The following SMPDL3B variants were observed in gnomAD, a reference collection of about 807,000 sequenced individuals.
SMPDL3B encodes acid sphingomyelinase-like phosphodiesterase 3b.
Under a neutral mutation model 37.9 loss-of-function variants are expected in SMPDL3B, and 31 were observed. The observed-to-expected ratio is 0.82, with a 90% CI of 0.61 to 1.10. The LOEUF is 1.10. Ranked by LOEUF, SMPDL3B falls within the 50% of genes least tolerant of loss-of-function variation. The pLI is 0.00. For missense variants in SMPDL3B, 525 were observed against 597.8 expected, an observed-to-expected ratio of 0.88 and a Z score of 1.27; for synonymous variants, 235 against 242.6, an observed-to-expected ratio of 0.97 and a Z score of 0.29.
At chr1:27,947,086 G>A (rs898844758) in intron 2 of SMPDL3B, among the ~76,000 whole-genome samples, 3 of 150,418 alleles carry the variant, frequency 2.0e-5, no homozygotes, top group Admixed American at 1.3e-4. Flanking sequence ...GCCCAGGCTG[G>A]AGTGCAATGG....
rs779242706 is a variant in SMPDL3B at position 27,958,739 on chromosome 1, C to T, written c.1269C>T (p.Asp423=). The T allele has an allele frequency of 7.4e-6, 12 of 1,613,562 alleles. No individual in the cohort carries two copies. The highest frequency in any genetic ancestry group is 1.3e-5 in the African/African-American group (1 of 74,922). ...HVCAMRQVDI[D]AYTTCLYASG... ...GTGCCATGCGCCAGGTGGACATTGA[C>T]GCTTACACCACCTGTCTGTATGCCT... The change falls in exon 8 of 8, where the codon GAC becomes GAT. Residue 423 remains aspartate, a synonymous_variant. Transcript: ENST00000373894. This position sits in a 1 kb window ranked among gnomAD's most constrained non-coding sequence, Gnocchi z 5.6.
chr1:27,941,842 G>A (rs949596157), intron 1 of SMPDL3B, among the ~76,000 whole-genome samples: 2 of 152,136 alleles, frequency 1.3e-5, no homozygotes, highest in African/African-American at 2.4e-5. Context: ...TGACAAGGTC[G>A]CTGGGATCTG....
intron 4 of SMPDL3B, 100 bp downstream of exon 4, chr1:27,953,458 C>A: frequency 9.1e-7 from 1 of 1,102,966 alleles, no homozygotes; most frequent in Non-Finnish European, 1.3e-6. Context: ...GATTTTATCC[C>A]CAATTTACAG....
At chr1:27,948,723 C>T (rs2090430792) in intron 2 of SMPDL3B, among the ~76,000 whole-genome samples, 1 of 152,208 alleles carries the variant, frequency 6.6e-6, no homozygotes, top group Non-Finnish European at 1.5e-5. Flanking sequence ...TACAACCTAG[C>T]AGCTACTCTT....
Position 27,958,875 on chromosome 1 carries a change from G to C in SMPDL3B, c.*37G>C, listed in dbSNP as rs1361161718. On this transcript the variant is annotated 3_prime_UTR_variant, in exon 8 of 8. Transcript: ENST00000373894. This position sits in a 1 kb window ranked among gnomAD's most constrained non-coding sequence, Gnocchi z 5.6. Reference sequence around the variant, plus strand: ...CACCTTCTTCCTGGTAACGGGTAACGGGGGCAGCGCCCAGGATCACCCAGA... The same window carrying C: ...CACCTTCTTCCTGGTAACGGGTAACCGGGGCAGCGCCCAGGATCACCCAGA... 1 of 1,514,062 alleles carries C rather than the reference G, an allele frequency of 6.6e-7. No individual in the cohort carries two copies. The highest frequency in any genetic ancestry group is 2.0e-5 in the Admixed American group (1 of 50,620). 93.8% of individuals were successfully genotyped at this position (1,514,062 alleles called of 1,614,324 possible). A position where few individuals can be genotyped will look rare whatever the true frequency, so the allele number is the denominator to read the frequency against.
intron 1 of SMPDL3B, among the ~76,000 whole-genome samples, chr1:27,935,806 A>G (rs1461840720): frequency 1.3e-5 from 2 of 152,204 alleles, no homozygotes; most frequent in African/African-American, 4.8e-5. Context: ...ACTCAAGTGG[A>G]GCCTTGAGGC....
intron 2 of SMPDL3B, among the ~76,000 whole-genome samples, chr1:27,948,613 G>A (rs2148677686): frequency 6.6e-6 from 1 of 152,340 alleles, no homozygotes; most frequent in East Asian, 1.9e-4. Context: ...CTTCTGGAAA[G>A]GAACAGAATT....
rs1186626127 is a variant in SMPDL3B, at chr1:27,948,977, T to C, written c.276-88T>C. 9 of 1,593,576 alleles carry C rather than the reference T, an allele frequency of 5.6e-6. 1 individual carries two copies. In the South Asian group the frequency reaches 1.0e-4, roughly 18 times the overall value. ...GACATCTGAGGCCCAGGTCCATAGG[T>C]TTTCCTCTCACTGCAGAGCTGTCCC... On this transcript the variant is annotated intron_variant, in intron 2 of 7. Coordinates refer to ENST00000373894, the MANE Select transcript of SMPDL3B (RefSeq NM_014474.4).
intron 2 of SMPDL3B, 155 bp from the exon 3 acceptor site, chr1:27,948,910 C>A: frequency 1.4e-6 from 2 of 1,415,556 alleles, no homozygotes; most frequent in Non-Finnish European, 1.9e-6. Flanking sequence ...TCAGCTCTGT[C>A]CCATCTGACT....
intron 1 of SMPDL3B, among the ~76,000 whole-genome samples, chr1:27,939,872 T>C (rs759822672): frequency 6.6e-6 from 1 of 152,174 alleles, no homozygotes; most frequent in Non-Finnish European, 1.5e-5. Context: ...ACTCCTGGCC[T>C]CAAGTGATCC....
At position 27,935,029 on chromosome 1, in the gene SMPDL3B, A is replaced by C. The variant is rs1323345554; in HGVS notation, c.-155A>C. ...CCTGCTGGGCAAAGGAGGAAGAGCCAGAGGATCCAGACGCCTTGGAGGACT... is the reference window on the plus strand; with the variant it reads ...CCTGCTGGGCAAAGGAGGAAGAGCCCGAGGATCCAGACGCCTTGGAGGACT... On this transcript the variant is annotated 5_prime_UTR_variant, in exon 1 of 8. Transcript: ENST00000373894. 1 of 607,246 alleles carries C rather than the reference A, an allele frequency of 1.6e-6. No homozygotes were observed. The highest frequency in any genetic ancestry group is 3.0e-6 in the Non-Finnish European group (1 of 337,750). The allele number at this position is 607,246 out of a possible 1,614,324, so 37.6% of individuals were successfully genotyped here.
intron 5 of SMPDL3B, 88 bp downstream of exon 5, chr1:27,954,614 A>G (rs1378441875): frequency 7.9e-7 from 1 of 1,270,004 alleles, no homozygotes. Context: ...ACCCACCCAA[A>G]GATGCCCATA....
chr1:27,954,566 T>C, intron 5 of SMPDL3B, 40 bp downstream of exon 5: 1 of 1,592,422 alleles, frequency 6.3e-7, no homozygotes, highest in Non-Finnish European at 8.6e-7. Flanking sequence ...TCTGGGGTTA[T>C]TTCCTGCACA....
rs749664869 is a variant in SMPDL3B, at chr1:27,958,636, T to C, written c.1166T>C (p.Leu389Pro). 11 of 1,613,874 alleles carry C rather than the reference T, an allele frequency of 6.8e-6. No individual in the cohort carries two copies. The highest frequency in any genetic ancestry group is 9.3e-6 in the Non-Finnish European group (11 of 1,179,902). Residue 389 changes from leucine (L) to proline (P), a missense_variant, in exon 8 of 8, where the codon CTG (leucine) becomes CCG (proline). Transcript: ENST00000373894. The surrounding 1 kb of genome is among the most constrained non-coding windows in gnomAD (Gnocchi z 5.6). Reference sequence around the variant, plus strand: ...CGCATCGCTGGCGACCAGAGCACACTGCAGCGCTACTACGTCTATAACTCA... The same window carrying C: ...CGCATCGCTGGCGACCAGAGCACACCGCAGCGCTACTACGTCTATAACTCA... Reference protein sequence around the residue: ...LDRIAGDQSTLQRYYVYNSVS... With the variant: ...LDRIAGDQSTPQRYYVYNSVS...
At chr1:27,948,451 C>A (rs191604790) in intron 2 of SMPDL3B, among the ~76,000 whole-genome samples, 1 of 152,148 alleles carries the variant, frequency 6.6e-6, no homozygotes, top group Non-Finnish European at 1.5e-5. Context: ...CACCTGCCAC[C>A]ATTCTCCTCC....
chr1:27,941,564 G>A (rs1341907617), intron 1 of SMPDL3B: 3 of 152,328 alleles, frequency 2.0e-5, no homozygotes, highest in East Asian at 1.9e-4. Flanking sequence ...TGGACAATAA[G>A]CAAGCCAACA....
intron 2 of SMPDL3B, among the ~76,000 whole-genome samples, chr1:27,948,379 A>G (rs1266387617): frequency 6.6e-6 from 1 of 152,086 alleles, no homozygotes; most frequent in Non-Finnish European, 1.5e-5. Context: ...CCCTGGGGGA[A>G]TACCTGGGCA....
chr1:27,935,931 T>G (rs1456627045), intron 1 of SMPDL3B, among the ~76,000 whole-genome samples: 1 of 152,080 alleles, frequency 6.6e-6, no homozygotes, highest in Admixed American at 6.6e-5. Flanking sequence ...GAAGCCCGCG[T>G]GGCTGAAGCA....
intron 2 of SMPDL3B, 198 bp from the exon 3 acceptor site, chr1:27,948,867 G>A: frequency 1.1e-6 from 1 of 914,938 alleles, no homozygotes; most frequent in South Asian, 1.4e-5. Context: ...CCAATCAAGG[G>A]ACCCACAGCA....
Sources: allele counts gnomAD v4.1 joint callset (sites outside exome capture counted in the v4.1 genomes callset), GRCh38; gene constraint gnomAD v4.1.1; non-coding constraint Gnocchi (gnomAD v3.1); transcripts MANE v1.5; gene names NCBI Gene and HGNC (gene_info 2026-07-23, HGNC 2026-07-21).